The following MCF2L2 variants were observed in gnomAD, a reference collection of about 807,000 sequenced individuals.
The protein encoded by MCF2L2 is MCF.2 cell line derived transforming sequence-like 2, also known as probable guanine nucleotide exchange factor MCF2L2.
A neutral mutation model predicts 150.2 loss-of-function variants in MCF2L2; 102 were observed. That is an observed-to-expected ratio of 0.68 (90% CI 0.58 to 0.80). The LOEUF is 0.80. Ranked by LOEUF, MCF2L2 falls within the 30% of genes least tolerant of loss-of-function variation. The probability of loss-of-function intolerance (pLI) is 0.00; values close to 1 mark genes in which losing one functional copy is unlikely to be tolerated. For synonymous variants in MCF2L2, 465 were observed against 491.3 expected (o/e 0.95, Z 0.71); for missense variants, 1,256 against 1,372.8 (o/e 0.91, Z 1.34).
chr3:183,193,353 C>CTTT (rs1270176096), intron 26 of MCF2L2, among the ~76,000 whole-genome samples: 2 of 109,338 alleles, frequency 1.8e-5, no homozygotes, highest in African/African-American at 1.0e-4. Flanking sequence ...TTTTCTTTTT[C>CTTT]TTTCTTTTTT....
chr3:183,205,073 C>T (rs1455875447), intron 25 of MCF2L2, among the ~76,000 whole-genome samples: 2 of 152,112 alleles, frequency 1.3e-5, no homozygotes, highest in Non-Finnish European at 2.9e-5. Context: ...TAGAATTAGG[C>T]TGTTAAATAC....
rs1186212831 is a variant in MCF2L2 at position 183,428,036 on chromosome 3, G to A, written c.-59C>T. The A allele has an allele frequency of 9.6e-6, 13 of 1,351,138 alleles. No individual in the cohort carries two copies. The allele number at this position is 1,351,138 out of a possible 1,614,324, so 83.7% of individuals were successfully genotyped here. A position where few individuals can be genotyped will look rare whatever the true frequency, so the allele number is the denominator to read the frequency against. On this transcript the variant is annotated 5_prime_UTR_variant, in exon 1 of 30. Transcript: ENST00000328913. The surrounding 1 kb of genome is among the most constrained non-coding windows in gnomAD (Gnocchi z 5.1). ...AAACAAAACTGTTTCTACCGCTGCG[G>A]TGGATGATTTTTTAAAGGCATCTCC...
At chr3:183,210,577 G>C (rs1285352258) in intron 22 of MCF2L2, among the ~76,000 whole-genome samples, 1 of 152,226 alleles carries the variant, frequency 6.6e-6, no homozygotes, top group South Asian at 2.1e-4. Flanking sequence ...AAAGCTGCTT[G>C]TAAGAACACA....
At chr3:183,398,044 T>C (rs1012044639) in intron 1 of MCF2L2, among the ~76,000 whole-genome samples, 13 of 152,202 alleles carry the variant, frequency 8.5e-5, no homozygotes, top group African/African-American at 2.9e-4. Context: ...TATATATGTA[T>C]AGAGGTACTG....
rs753926393 is a variant in MCF2L2, at chr3:183,427,990, C to T, written c.-13G>A. On this transcript the variant is annotated 5_prime_UTR_variant, in exon 1 of 30. Coordinates refer to ENST00000328913, the MANE Select transcript of MCF2L2 (RefSeq NM_015078.4). ...AGCAAGACAGCATTTCACTGAAAAA[C>T]CATTCCGTATAAATAAAGCCAAACA... The T allele has an allele frequency of 1.9e-6, 3 of 1,607,262 alleles. No homozygotes were observed. Among genetic ancestry groups the T allele is most frequent in the Non-Finnish European group, 2.6e-6 (3 of 1,173,864 alleles).
At chr3:183,341,506 CTT>C in intron 4 of MCF2L2, 32 bp downstream of exon 4, 1 of 1,495,808 alleles carries the variant, frequency 6.7e-7, no homozygotes, top group South Asian at 1.1e-5. Context: ...ATTTAAATGA[CTT>C]TTATAATAAA....
At chr3:183,315,019 C>A (rs1404088746) in intron 7 of MCF2L2, among the ~76,000 whole-genome samples, 1 of 147,382 alleles carries the variant, frequency 6.8e-6, no homozygotes, top group Non-Finnish European at 1.5e-5. Context: ...TCACCACAAC[C>A]TCTGCCTCCC....
Position 183,270,877 on chromosome 3 carries a change from T to C in MCF2L2, c.1862+5995A>G. The C allele has an allele frequency of 6.2e-7, 1 of 1,609,240 alleles. No homozygotes were observed. Among genetic ancestry groups the C allele is most frequent in the Non-Finnish European group, 8.5e-7 (1 of 1,178,490 alleles). ...ATATACTGCAGATTAATGAAGATAATTCTCCTTTGTAAAATTAGCTATGTG... is the reference window on the plus strand; with the variant it reads ...ATATACTGCAGATTAATGAAGATAACTCTCCTTTGTAAAATTAGCTATGTG... On this transcript the variant is annotated intron_variant, in intron 15 of 29. Coordinates refer to ENST00000328913, the MANE Select transcript of MCF2L2 (RefSeq NM_015078.4). This position sits in a 1 kb window ranked among gnomAD's most constrained non-coding sequence, Gnocchi z 4.5.
At chr3:183,271,036 G>T (rs1726728591) in intron 15 of MCF2L2, 1 of 1,159,846 alleles carries the variant, frequency 8.6e-7, no homozygotes, top group African/African-American at 1.6e-5. Flanking sequence ...GAGGACGAAA[G>T]ACAAATATTT....
intron 12 of MCF2L2, among the ~76,000 whole-genome samples, chr3:183,295,900 C>T (rs1577036822): frequency 6.6e-6 from 1 of 152,038 alleles, no homozygotes; most frequent in Non-Finnish European, 1.5e-5. Context: ...AGAGGTTGCA[C>T]TGAGCCGAGA....
chr3:183,369,485 T>C (rs1203104385), intron 3 of MCF2L2, among the ~76,000 whole-genome samples: 1 of 152,202 alleles, frequency 6.6e-6, no homozygotes, highest in Non-Finnish European at 1.5e-5. Context: ...GCCATTTTTT[T>C]GTACATGAGA....
intron 3 of MCF2L2, chr3:183,377,727 G>A (rs759542746): frequency 6.6e-6 from 1 of 152,144 alleles, no homozygotes; most frequent in Non-Finnish European, 1.5e-5. Flanking sequence ...AGGTTTCATC[G>A]AAGAGATGAG....
intron 12 of MCF2L2, 126 bp downstream of exon 12, chr3:183,296,850 A>G: frequency 1.9e-6 from 2 of 1,055,424 alleles, no homozygotes; most frequent in Non-Finnish European, 2.7e-6. Flanking sequence ...AGGGCTTCGG[A>G]ACCAGTGAGC....
At chr3:183,425,679 C>A (rs1184048620) in intron 1 of MCF2L2, among the ~76,000 whole-genome samples, 1 of 152,120 alleles carries the variant, frequency 6.6e-6, no homozygotes, top group Non-Finnish European at 1.5e-5. Context: ...CCCCTGAAAC[C>A]TTAAAAGATG....
chr3:183,219,279 T>C (rs922327459), intron 21 of MCF2L2, among the ~76,000 whole-genome samples: 1 of 152,216 alleles, frequency 6.6e-6, no homozygotes, highest in Admixed American at 6.5e-5. Flanking sequence ...CAGTCTTTTA[T>C]GTATGCATTT....
intron 6 of MCF2L2, among the ~76,000 whole-genome samples, chr3:183,320,084 TTTTTC>T (rs1209173710): frequency 1.3e-5 from 2 of 150,252 alleles, no homozygotes; most frequent in African/African-American, 2.5e-5. Context: ...GTGTAGTCAC[TTTTTC>T]TTTTCTTTTT....
At chr3:183,325,456 A>C (rs1157453593) in intron 5 of MCF2L2, among the ~76,000 whole-genome samples, 1 of 152,198 alleles carries the variant, frequency 6.6e-6, no homozygotes, top group African/African-American at 2.4e-5. Context: ...TATCTTTATA[A>C]TATGAGAATG....
At chr3:183,245,638 G>A (rs1366545422) in intron 15 of MCF2L2, among the ~76,000 whole-genome samples, 2 of 152,086 alleles carry the variant, frequency 1.3e-5, no homozygotes, top group Non-Finnish European at 2.9e-5. Context: ...TGAGGGCTCG[G>A]TCTCAGGAAA....
chr3:183,293,876 T>C (rs1412090864), intron 13 of MCF2L2, among the ~76,000 whole-genome samples: 1 of 152,168 alleles, frequency 6.6e-6, no homozygotes, highest in African/African-American at 2.4e-5. Flanking sequence ...GTTAAAAAAA[T>C]GTTAAATGCC....
Sources: gnomAD v4.1 joint callset for allele counts (sites outside exome capture counted in the v4.1 genomes callset) on GRCh38, gnomAD v4.1.1 for gene constraint, Gnocchi (gnomAD v3.1) non-coding constraint, MANE v1.5 for transcripts, NCBI Gene and HGNC (gene_info 2026-07-23, HGNC 2026-07-21) for gene names.